TBC1D22A: variants seen among roughly 807,000 people sequenced by gnomAD.
TBC1D22A encodes TBC1 domain family member 22A, also known as putative GTPase activator.
TBC1D22A carries 38 observed loss-of-function variants against 60.2 expected under a neutral mutation model. The ratio of observed to expected loss-of-function variants is 0.63; its 90% CI spans 0.49 to 0.83. TBC1D22A has a LOEUF of 0.83. Ranked by LOEUF, TBC1D22A falls within the 40% of genes least tolerant of loss-of-function variation. The pLI is 0.00. For missense variants in TBC1D22A, 628 were observed against 701.0 expected (o/e 0.90, Z 1.18); for synonymous variants, 302 against 281.7 (o/e 1.07, Z -0.72).
In TBC1D22A at chr22:47,009,733, C is replaced by A. The variant is rs942513964; in HGVS notation, c.1201+12024C>A. Among the ~76,000 whole-genome samples, 1 of 152,108 alleles carries A rather than the reference C, an allele frequency of 6.6e-6. No homozygotes were observed. Among genetic ancestry groups the A allele is most frequent in the Non-Finnish European group, 1.5e-5 (1 of 68,022 alleles). Reference sequence around the variant, plus strand: ...TCATCATCACTATCACCATCATTTCCTCACCATCATCACCATCAACAAACT... The same window carrying A: ...TCATCATCACTATCACCATCATTTCATCACCATCATCACCATCAACAAACT... On this transcript the variant is annotated intron_variant, in intron 10 of 12. Coordinates refer to ENST00000337137, the MANE Select transcript of TBC1D22A (RefSeq NM_014346.5). The surrounding 1 kb of genome is among the most constrained non-coding windows in gnomAD (Gnocchi z 5.8).
chr22:47,130,591 C>T (rs1200297281), intron 12 of TBC1D22A, among the ~76,000 whole-genome samples: 1 of 152,210 alleles, frequency 6.6e-6, no homozygotes, highest in Non-Finnish European at 1.5e-5. Flanking sequence ...AGATTCGCTG[C>T]CATGTGACTC....
At chr22:46,775,152 T>G (rs1159962053) in intron 1 of TBC1D22A, among the ~76,000 whole-genome samples, 1 of 152,210 alleles carries the variant, frequency 6.6e-6, no homozygotes, top group Non-Finnish European at 1.5e-5. Context: ...GGACCCGGTC[T>G]TGGAAAGGGG....
chr22:47,004,775 T>TACACACAC (rs2061526520), intron 10 of TBC1D22A, among the ~76,000 whole-genome samples: 1 of 149,948 alleles, frequency 6.7e-6, no homozygotes, highest in Non-Finnish European at 1.5e-5. Flanking sequence ...CACACTCAGA[T>TACACACAC]GCCTATATAC....
chr22:47,089,740 C>T (rs2064846668), intron 11 of TBC1D22A, among the ~76,000 whole-genome samples: 2 of 152,206 alleles, frequency 1.3e-5, no homozygotes, highest in Non-Finnish European at 2.9e-5. Flanking sequence ...AAATTCTTCT[C>T]ACTGTTCCAT....
intron 4 of TBC1D22A, among the ~76,000 whole-genome samples, chr22:46,812,970 G>A (rs559897027): frequency 2.0e-5 from 3 of 152,100 alleles, no homozygotes; most frequent in East Asian, 1.9e-4. Flanking sequence ...AGAGTCTGTC[G>A]TGTCCGGAGC....
intron 1 of TBC1D22A, chr22:46,763,734 T>G (rs747962912): frequency 6.6e-6 from 1 of 152,220 alleles, no homozygotes; most frequent in Non-Finnish European, 1.5e-5. Context: ...TACTCCTGTT[T>G]CATAATAAAT....
At chr22:47,044,431 C>T (rs1351633462) in intron 11 of TBC1D22A, among the ~76,000 whole-genome samples, 2 of 152,222 alleles carry the variant, frequency 1.3e-5, no homozygotes, top group African/African-American at 4.8e-5. Flanking sequence ...CCAAGTACCG[C>T]ACCTGCTGGG....
intron 8 of TBC1D22A, among the ~76,000 whole-genome samples, chr22:46,957,568 G>A (rs780516590): frequency 5.9e-5 from 9 of 152,226 alleles, no homozygotes; most frequent in Non-Finnish European, 1.0e-4. Flanking sequence ...CCCTGAACAC[G>A]TGGGGATTAC....
intron 11 of TBC1D22A, among the ~76,000 whole-genome samples, chr22:47,073,519 A>G (rs961374961): frequency 1.3e-5 from 2 of 152,214 alleles, no homozygotes; most frequent in African/African-American, 2.4e-5. Flanking sequence ...ATGAAGCCTC[A>G]TAAATATATA....
At chr22:47,118,423 A>C (rs1004221259) in intron 12 of TBC1D22A, among the ~76,000 whole-genome samples, 4 of 152,244 alleles carry the variant, frequency 2.6e-5, no homozygotes, top group Admixed American at 1.3e-4. Context: ...AATGTGGGTC[A>C]CAGTGGAAAT....
chr22:47,160,474 G>A (rs1398511652), intron 12 of TBC1D22A, among the ~76,000 whole-genome samples: 1 of 152,198 alleles, frequency 6.6e-6, no homozygotes, highest in Non-Finnish European at 1.5e-5. Flanking sequence ...TGACGCAGCT[G>A]CAGCCCCAAG....
chr22:46,945,835 C>T (rs965382305), intron 8 of TBC1D22A, among the ~76,000 whole-genome samples: 2 of 152,166 alleles, frequency 1.3e-5, no homozygotes, highest in Non-Finnish European at 2.9e-5. Flanking sequence ...AATAACTCAT[C>T]CACGGCCCAC....
At position 47,111,935 on chromosome 22, in the gene TBC1D22A, C is replaced by A. The variant is rs972658148; in HGVS notation, c.1425+332C>A. Among the ~76,000 whole-genome samples, 7 of 152,360 alleles carry A rather than the reference C, an allele frequency of 4.6e-5. No homozygotes were observed. The South Asian group carries it at 1.0e-3, about 23-fold the overall frequency. On this transcript the variant is annotated intron_variant, in intron 12 of 12. Transcript: ENST00000337137. ...GCTTGTGACCTCTGGTCCCTGGAAC[C>A]CTCTTTACAGCACGTGGACTGTGAT...
At chr22:47,161,206 T>A (rs2067971690) in intron 12 of TBC1D22A, among the ~76,000 whole-genome samples, 1 of 151,976 alleles carries the variant, frequency 6.6e-6, no homozygotes, top group Non-Finnish European at 1.5e-5. Flanking sequence ...TTTCAATACA[T>A]GCCCTTGTGA....
chr22:46,967,762 T>C (rs577668132), intron 8 of TBC1D22A, among the ~76,000 whole-genome samples: 32 of 152,108 alleles, frequency 2.1e-4, no homozygotes, highest in African/African-American at 7.5e-4. Context: ...CTTTTTGTTT[T>C]CGAGAACCCC....
chr22:46,814,594 T>C (rs2085513153), intron 4 of TBC1D22A, among the ~76,000 whole-genome samples: 1 of 152,318 alleles, frequency 6.6e-6, no homozygotes, highest in South Asian at 2.1e-4. Flanking sequence ...CCTTTTCACG[T>C]AGACTTGAGA....
At chr22:46,996,234 A>G (rs1409284984) in intron 9 of TBC1D22A, among the ~76,000 whole-genome samples, 1 of 152,148 alleles carries the variant, frequency 6.6e-6, no homozygotes, top group African/African-American at 2.4e-5. Flanking sequence ...AGACTGCATT[A>G]CCTGTGCCCT....
intron 4 of TBC1D22A, among the ~76,000 whole-genome samples, chr22:46,837,636 A>G (rs2086579813): frequency 6.6e-6 from 1 of 152,274 alleles, no homozygotes; most frequent in Non-Finnish European, 1.5e-5. Flanking sequence ...CCAGTGGGTC[A>G]AAGAGGAAAT....
chr22:47,047,025 T>C (rs557580421), intron 11 of TBC1D22A, among the ~76,000 whole-genome samples: 76 of 152,364 alleles, frequency 5.0e-4, no homozygotes, highest in African/African-American at 1.7e-3. Context: ...CAGTGTGACC[T>C]TAAGCAACTT....
Sources: allele counts gnomAD v4.1 joint callset (sites outside exome capture counted in the v4.1 genomes callset), GRCh38; gene constraint gnomAD v4.1.1; non-coding constraint Gnocchi (gnomAD v3.1); transcripts MANE v1.5; gene names NCBI Gene and HGNC (gene_info 2026-07-23, HGNC 2026-07-21).